The following NELL1 variants were observed in gnomAD, a reference collection of about 807,000 sequenced individuals.
The protein encoded by NELL1 is neural EGFL like 1.
In NELL1, 76 loss-of-function variants were observed where a neutral mutation model predicts 107.4. The ratio of observed to expected loss-of-function variants is 0.71; its 90% CI spans 0.59 to 0.86. NELL1 has a LOEUF of 0.86. Ranked by LOEUF, NELL1 falls within the 40% of genes least tolerant of loss-of-function variation. NELL1 has a pLI of 0.00. For missense variants in NELL1, 1,024 were observed against 1,005.5 expected (o/e 1.02, Z -0.25); for synonymous variants, 353 against 341.2 (o/e 1.03, Z -0.38).
At chr11:21,506,268 G>A (rs542649559) in intron 15 of NELL1, among the ~76,000 whole-genome samples, 1 of 152,206 alleles carries the variant, frequency 6.6e-6, no homozygotes, top group African/African-American at 2.4e-5. Context: ...TGGTGATACA[G>A]ACCCGCAGAG....
At chr11:21,427,558 T>A (rs1465942691) in intron 15 of NELL1, among the ~76,000 whole-genome samples, 1 of 152,186 alleles carries the variant, frequency 6.6e-6, no homozygotes, top group East Asian at 1.9e-4. Context: ...CTTTCTCTGA[T>A]ATGTATAGTA....
chr11:20,937,992 T>C, intron 10 of NELL1, 133 bp downstream of exon 10: 3 of 739,814 alleles, frequency 4.1e-6, no homozygotes, highest in Admixed American at 4.7e-5. Context: ...CTGCGGTGGG[T>C]TGGATTACAT....
At chr11:21,556,345 G>A (rs7125542) in intron 16 of NELL1, among the ~76,000 whole-genome samples, 21,925 of 151,880 alleles carry the variant, frequency 0.14, 1,734 homozygotes, top group African/African-American at 0.2. Flanking sequence ...AGGAATATGG[G>A]GTAATGAAAA....
At chr11:21,324,906 T>C (rs902765038) in intron 14 of NELL1, among the ~76,000 whole-genome samples, 1 of 152,064 alleles carries the variant, frequency 6.6e-6, no homozygotes, top group African/African-American at 2.4e-5. Context: ...AAGAGAGTTA[T>C]GTGTTTGTGT....
chr11:21,551,852 G>A (rs1017818491), intron 16 of NELL1, among the ~76,000 whole-genome samples: 33 of 150,724 alleles, frequency 2.2e-4, no homozygotes, highest in African/African-American at 5.9e-4. Context: ...GTTTATTGCG[G>A]CACTATTCAC....
chr11:21,351,008 A>G (rs1288959077), intron 14 of NELL1, among the ~76,000 whole-genome samples: 1 of 152,132 alleles, frequency 6.6e-6, no homozygotes, highest in Non-Finnish European at 1.5e-5. Flanking sequence ...TGGGTCCTAA[A>G]TCCAATTACT....
intron 14 of NELL1, among the ~76,000 whole-genome samples, chr11:21,249,548 G>C (rs1218981528): frequency 1.3e-5 from 2 of 150,950 alleles, no homozygotes; most frequent in Non-Finnish European, 2.9e-5. Flanking sequence ...TTTAAACTGA[G>C]TTTAAAAAAA....
At chr11:21,299,495 C>T (rs1849446041) in intron 14 of NELL1, among the ~76,000 whole-genome samples, 1 of 143,868 alleles carries the variant, frequency 7.0e-6, no homozygotes, top group African/African-American at 2.6e-5. Flanking sequence ...GAAATTTCAA[C>T]ATTTTATTGT....
chr11:20,977,214 G>T (rs11025846), intron 12 of NELL1, among the ~76,000 whole-genome samples: 29,619 of 151,132 alleles, frequency 0.2, 3,611 homozygotes, highest in African/African-American at 0.34. Flanking sequence ...GAGGAAACTA[G>T]GGCCCAGAGA....
rs1010586330 is a variant in NELL1 at position 20,889,379 on chromosome 11, A to G, written c.603+3839A>G. Among the ~76,000 whole-genome samples the G allele has an allele frequency of 1.6e-4, 25 of 152,234 alleles. 1 individual carries two copies. Among genetic ancestry groups the G allele is most frequent in the Admixed American group, 1.6e-3 (24 of 15,290 alleles). ...GAAAATAACTTTCAAATGTAGTAGT[A>G]TATACCAAGCTTAATTGTCATTTGA... On this transcript the variant is annotated intron_variant, in intron 5 of 19. Transcript: ENST00000357134.
intron 14 of NELL1, among the ~76,000 whole-genome samples, chr11:21,363,849 T>G (rs968050002): frequency 6.6e-6 from 1 of 152,156 alleles, no homozygotes; most frequent in Non-Finnish European, 1.5e-5. Flanking sequence ...AATCTCACAG[T>G]CTGGTTAGAG....
intron 2 of NELL1, among the ~76,000 whole-genome samples, chr11:20,746,739 A>C (rs1344102458): frequency 6.6e-6 from 1 of 152,150 alleles, no homozygotes; most frequent in Non-Finnish European, 1.5e-5. Context: ...TTCTCAGTAC[A>C]CTCACCAGTT....
At chr11:21,363,402 T>C (rs1851131209) in intron 14 of NELL1, among the ~76,000 whole-genome samples, 2 of 152,360 alleles carry the variant, frequency 1.3e-5, no homozygotes, top group South Asian at 2.1e-4. Context: ...GAGATGTGTG[T>C]TCAGAGGTAG....
chr11:21,309,274 A>G (rs1323077314), intron 14 of NELL1, among the ~76,000 whole-genome samples: 1 of 21,884 alleles, frequency 4.6e-5, no homozygotes, highest in African/African-American at 1.7e-4. Context: ...ATATATATAT[A>G]TATATGTATA....
intron 12 of NELL1, among the ~76,000 whole-genome samples, chr11:20,975,885 G>A (rs1851610084): frequency 8.7e-6 from 1 of 114,384 alleles, no homozygotes; most frequent in South Asian, 2.6e-4. Context: ...ACATACATGT[G>A]TATTATATAT....
intron 2 of NELL1, among the ~76,000 whole-genome samples, chr11:20,740,078 A>C (rs1855856917): frequency 6.6e-6 from 1 of 152,226 alleles, no homozygotes; most frequent in African/African-American, 2.4e-5. Flanking sequence ...TTTACATTTC[A>C]GTGAGGGAAG....
chr11:20,829,120 C>A lies in NELL1; in HGVS notation c.336-18463C>A, dbSNP rs573576144. On this transcript the variant is annotated intron_variant, in intron 3 of 19. Transcript: ENST00000357134. ...ATTTTAGGAAGTTGCAAAAATGATA[C>A]AGCAAGTCTTGTATATCTCTCACCC... Among the ~76,000 whole-genome samples the A allele has an allele frequency of 9.4e-4, 143 of 152,064 alleles. 1 individual carries two copies. Among genetic ancestry groups the A allele is most frequent in the Non-Finnish European group, 1.7e-3 (114 of 68,018 alleles).
intron 15 of NELL1, among the ~76,000 whole-genome samples, chr11:21,439,953 A>C (rs2133844324): frequency 6.6e-6 from 1 of 152,310 alleles, no homozygotes; most frequent in Non-Finnish European, 1.5e-5. Context: ...TTGCAGATAA[A>C]GAAAATAATG....
intron 16 of NELL1, among the ~76,000 whole-genome samples, chr11:21,543,869 G>A (rs868790860): frequency 6.6e-6 from 1 of 151,918 alleles, no homozygotes; most frequent in Non-Finnish European, 1.5e-5. Context: ...AGCCTAGCTG[G>A]GCTGACAGAG....
Sources: gnomAD v4.1 joint callset for allele counts (sites outside exome capture counted in the v4.1 genomes callset) on GRCh38, gnomAD v4.1.1 for gene constraint, MANE v1.5 for transcripts, NCBI Gene and HGNC (gene_info 2026-07-23, HGNC 2026-07-21) for gene names.